KCNMA1: variants seen among roughly 807,000 people sequenced by gnomAD.
KCNMA1 encodes the protein Calcium-activated potassium channel subunit alpha-1.
In KCNMA1, 29 loss-of-function variants were observed where a neutral mutation model predicts 140.0. That is an observed-to-expected ratio of 0.21 (90% confidence interval 0.15 to 0.28). The LOEUF is 0.28. KCNMA1 is among the 10% of genes least tolerant of loss of function. The pLI is 1.00. For synonymous variants in KCNMA1, 612 were observed against 611.9 expected, an observed-to-expected ratio of 1.00 and a Z score of 0.00; for missense variants, 880 against 1,602.2, an observed-to-expected ratio of 0.55 and a Z score of 7.70.
chr10:77,246,091 T>C (rs1191433304), intron 3 of KCNMA1, among the ~76,000 whole-genome samples: 1 of 152,188 alleles, frequency 6.6e-6, no homozygotes, highest in Non-Finnish European at 1.5e-5. Flanking sequence ...ACAAGACCAG[T>C]GCATTGGCAG....
intron 19 of KCNMA1, among the ~76,000 whole-genome samples, chr10:76,983,720 CTG>C (rs2080291639): frequency 7.3e-6 from 1 of 136,760 alleles, no homozygotes; most frequent in Admixed American, 7.5e-5. Flanking sequence ...CAGTGAGACA[CTG>C]TTTAAAAAAA....
intron 2 of KCNMA1, among the ~76,000 whole-genome samples, chr10:77,317,945 C>A (rs2081308062): frequency 6.6e-6 from 1 of 152,138 alleles, no homozygotes; most frequent in Non-Finnish European, 1.5e-5. Context: ...CTGGGTTGAG[C>A]CCGCATCTTC....
Position 77,582,187 on chromosome 10 carries a change from T to C in KCNMA1, c.378+55078A>G, listed in dbSNP as rs117851462. Among the ~76,000 whole-genome samples, 351 of 152,354 alleles carry C rather than the reference T, an allele frequency of 2.3e-3. 7 individuals carry two copies. In the South Asian group the frequency reaches 0.025, roughly 11 times the overall value. ...ACGACATCATCACTGACATTGAGTC[T>C]AGCTCAGGCTCTGGAGCTGGTCTGC... On this transcript the variant is annotated intron_variant, in intron 1 of 27. Coordinates refer to ENST00000286628, the MANE Select transcript of KCNMA1 (RefSeq NM_001161352.2).
intron 1 of KCNMA1, among the ~76,000 whole-genome samples, chr10:77,559,312 A>G (rs2065572684): frequency 6.6e-6 from 1 of 152,198 alleles, no homozygotes; most frequent in Non-Finnish European, 1.5e-5. Flanking sequence ...CCCAGCCTCT[A>G]CAATGGGACT....
intron 1 of KCNMA1, among the ~76,000 whole-genome samples, chr10:77,575,607 G>A (rs1246671288): frequency 6.6e-6 from 1 of 152,224 alleles, no homozygotes; most frequent in Non-Finnish European, 1.5e-5. Flanking sequence ...CTACCCAACT[G>A]ATAGCTGAGA....
At chr10:77,298,788 G>A (rs554834) in intron 2 of KCNMA1, among the ~76,000 whole-genome samples, 127,605 of 152,134 alleles carry the variant, frequency 0.84, 53,685 homozygotes, top group Middle Eastern at 0.9. Context: ...TCCAGTGCCC[G>A]CCAGAGTGAT....
rs60937323 is a variant in KCNMA1, at chr10:77,007,653, G to GTATATATATATATATATATATA, written c.2092+4292_2092+4313dup. ...ACATCATGGTACATATTGTGTGTGTGTATATATATATATATATATATATGT... is the reference window on the plus strand; with the variant it reads ...ACATCATGGTACATATTGTGTGTGTGTATATATATATATATATATATATATATATATATATATATATATATGT... On this transcript the variant is annotated intron_variant, in intron 18 of 27. Transcript: ENST00000286628. Among the ~76,000 whole-genome samples, 309 of 88,260 alleles carry GTATATATATATATATATATATA rather than the reference G, an allele frequency of 3.5e-3. 5 individuals carry two copies. The highest frequency in any genetic ancestry group is 6.2e-3 in the African/African-American group (136 of 22,102). 57.9% of individuals were successfully genotyped at this position (88,260 alleles called of 152,430 possible).
intron 5 of KCNMA1, among the ~76,000 whole-genome samples, chr10:77,182,088 CACA>C (rs1463797320): frequency 1.3e-5 from 2 of 152,138 alleles, no homozygotes; most frequent in East Asian, 1.9e-4. Context: ...CCTATCTTGA[CACA>C]ACATTTTTTA....
At chr10:77,024,487 C>A (rs1056230598) in intron 16 of KCNMA1, among the ~76,000 whole-genome samples, 1 of 152,070 alleles carries the variant, frequency 6.6e-6, no homozygotes, top group Non-Finnish European at 1.5e-5. Context: ...AAGTAGGCAT[C>A]TCAACAGTAT....
intron 1 of KCNMA1, among the ~76,000 whole-genome samples, chr10:77,570,611 T>A (rs1268705813): frequency 1.7e-5 from 1 of 58,724 alleles, no homozygotes; most frequent in Non-Finnish European, 3.6e-5. Flanking sequence ...GGGGGAGGGA[T>A]AGCATTGGGA....
chr10:77,045,941 T>C (rs755211843), intron 14 of KCNMA1, among the ~76,000 whole-genome samples: 1 of 152,196 alleles, frequency 6.6e-6, no homozygotes, highest in Non-Finnish European at 1.5e-5. Flanking sequence ...CCTTATTTAA[T>C]TGAAAACAGG....
intron 14 of KCNMA1, among the ~76,000 whole-genome samples, chr10:77,069,746 T>C (rs910225315): frequency 7.2e-5 from 11 of 152,186 alleles, no homozygotes; most frequent in African/African-American, 2.4e-4. Flanking sequence ...GAAGCATTGC[T>C]CCATATTTCT....
intron 19 of KCNMA1, chr10:76,973,327 C>T: frequency 6.6e-6 from 1 of 152,528 alleles, no homozygotes; most frequent in East Asian, 1.9e-4. Flanking sequence ...CTTGTTTTTG[C>T]ACATCCCTAA....
At chr10:77,042,812 CAT>C (rs1187733008) in intron 14 of KCNMA1, among the ~76,000 whole-genome samples, 3 of 152,066 alleles carry the variant, frequency 2.0e-5, no homozygotes, top group South Asian at 2.1e-4. Flanking sequence ...CAATATTATT[CAT>C]GTTTGTTTTG....
chr10:77,565,111 C>G (rs1209043244), intron 1 of KCNMA1, among the ~76,000 whole-genome samples: 1 of 152,184 alleles, frequency 6.6e-6, no homozygotes, highest in Non-Finnish European at 1.5e-5. Flanking sequence ...AAGGGCCACT[C>G]TCAGTGACTG....
At chr10:77,329,544 A>C (rs1037877858) in intron 2 of KCNMA1, among the ~76,000 whole-genome samples, 1 of 152,218 alleles carries the variant, frequency 6.6e-6, no homozygotes, top group Admixed American at 6.5e-5. Flanking sequence ...CCCAGTTTTC[A>C]GAACTGTAAA....
chr10:77,128,651 A>G (rs1385126734), intron 5 of KCNMA1, among the ~76,000 whole-genome samples: 2 of 152,186 alleles, frequency 1.3e-5, no homozygotes, highest in Non-Finnish European at 2.9e-5. Context: ...ATAAATGAAC[A>G]TATAGTAAAT....
At chr10:77,344,789 AT>A (rs1006926287) in intron 2 of KCNMA1, among the ~76,000 whole-genome samples, 1 of 151,958 alleles carries the variant, frequency 6.6e-6, no homozygotes, top group Non-Finnish European at 1.5e-5. Context: ...TTGATTTATT[AT>A]TTTTTTATAA....
At position 77,637,452 on chromosome 10, in the gene KCNMA1, G is replaced by C. The variant is rs1207714308; in HGVS notation, c.191C>G (p.Pro64Arg). Residue 64 changes from proline (P) to arginine (R), a missense_variant, in exon 1 of 28, where the codon CCC becomes CGC. Pro to Arg is a moderately radical substitution (Grantham distance 103). Coordinates refer to ENST00000286628, the MANE Select transcript of KCNMA1 (RefSeq NM_001161352.2). ...CGGGATGATGAGCGCATCCATCTTG[G>C]GCTCGTGGACCGAGGACGAGGAGGA... Reference protein sequence around the residue: ...SSSSSSSVHEPKMDALIIPVT... With the variant: ...SSSSSSSVHERKMDALIIPVT... The C allele has an allele frequency of 1.9e-6, 3 of 1,613,200 alleles. No individual in the cohort carries two copies. The highest frequency in any genetic ancestry group is 2.5e-6 in the Non-Finnish European group (3 of 1,179,662).
Sources: allele counts gnomAD v4.1 joint callset (sites outside exome capture counted in the v4.1 genomes callset), GRCh38; gene constraint gnomAD v4.1.1; transcripts MANE v1.5; gene names NCBI Gene and HGNC (gene_info 2026-07-23, HGNC 2026-07-21).